Variants in COL26A1 observed in about 807,000 individuals in gnomAD.
COL26A1 encodes the protein collagen alpha-1(XXVI) chain.
In COL26A1, 41 loss-of-function variants were observed where a neutral mutation model predicts 59.3. The observed-to-expected ratio is 0.69, with a 90% CI of 0.54 to 0.90. The LOEUF is 0.90. COL26A1 is among the 40% of genes least tolerant of loss of function. COL26A1 has a pLI of 0.00. For synonymous variants in COL26A1, 266 were observed against 256.0 expected (o/e 1.04, Z -0.37); for missense variants, 612 against 602.3 (o/e 1.02, Z -0.17).
intron 3 of COL26A1, among the ~76,000 whole-genome samples, chr7:101,478,353 A>C (rs746653768): frequency 6.6e-6 from 1 of 152,070 alleles, no homozygotes; most frequent in African/African-American, 2.4e-5. Context: ...GTGGTGGTAA[A>C]TGTGTGTCTG....
rs569228227 is a variant in COL26A1, at chr7:101,498,242, A to G, written c.386-34840A>G. Among the ~76,000 whole-genome samples the G allele has an allele frequency of 7.9e-5, 12 of 152,044 alleles. No individual in the cohort carries two copies. In the East Asian group the frequency reaches 2.1e-3, roughly 27 times the overall value. ...GGTGATGTGAATCTTAGCATGAGTG[A>G]CTCCATTTTGGTTTGGTCTGTTGGA... On this transcript the variant is annotated intron_variant, in intron 3 of 12. Transcript: ENST00000313669.
intron 2 of COL26A1, among the ~76,000 whole-genome samples, chr7:101,422,085 G>GT (rs2130284819): frequency 6.6e-6 from 1 of 152,260 alleles, no homozygotes; most frequent in East Asian, 1.9e-4. Flanking sequence ...GCTGAGGCAG[G>GT]TGGATCACCT....
In COL26A1 at chr7:101,416,831, C is replaced by A. The variant is rs111385812; in HGVS notation, c.159-3146C>A. ...CATGGCTCACTGCAGTCTCAAACTC[C>A]TGTGCTCCAGCGATCCTCCTGCCTC... On this transcript the variant is annotated intron_variant, in intron 1 of 12. Coordinates refer to ENST00000313669, the MANE Select transcript of COL26A1 (RefSeq NM_001278563.3). Among the ~76,000 whole-genome samples the A allele has an allele frequency of 1.2e-3, 167 of 143,554 alleles. 13 individuals are homozygous for A. Among genetic ancestry groups the A allele is most frequent in the African/African-American group, 3.9e-3 (160 of 40,658 alleles). 94.2% of individuals were successfully genotyped at this position (143,554 alleles called of 152,430 possible).
In COL26A1 at chr7:101,363,156, G is replaced by C; in HGVS notation, c.124G>C (p.Ala42Pro). ...GCAGCACGGCTACCCCGAGCCCGGC[G>C]CCGGCTCCCCTGGCAGCGGCTACGC... is the stretch of plus-strand genomic sequence containing the variant. The part of the protein sequence containing the change: ...LQQHGYPEPG[A>P]GSPGSGYASR... Residue 42 changes from alanine (A) to proline (P), a missense_variant, in exon 1 of 13, where the codon GCC becomes CCC. Physicochemically the swap from Ala to Pro is conservative, Grantham distance 27. Transcript: ENST00000313669. 1 of 1,472,438 alleles carries C rather than the reference G, an allele frequency of 6.8e-7. No homozygotes were observed. The highest frequency in any genetic ancestry group is 9.0e-7 in the Non-Finnish European group (1 of 1,115,966). 91.2% of individuals were successfully genotyped at this position (1,472,438 alleles called of 1,614,324 possible).
At chr7:101,381,919 C>T (rs1791460682) in intron 1 of COL26A1, among the ~76,000 whole-genome samples, 1 of 152,270 alleles carries the variant, frequency 6.6e-6, no homozygotes, top group Admixed American at 6.5e-5. Flanking sequence ...TGGAGGGTTG[C>T]ACTGATCTTA....
intron 3 of COL26A1, among the ~76,000 whole-genome samples, chr7:101,531,410 A>C (rs1475925754): frequency 5.9e-5 from 9 of 152,198 alleles, no homozygotes; most frequent in Non-Finnish European, 1.2e-4. Context: ...AGAGTCAGAA[A>C]ACTGTATATA....
chr7:101,557,418 G>T lies in COL26A1; in HGVS notation c.1214G>T (p.Arg405Ile), dbSNP rs1796005648. The T allele has an allele frequency of 3.7e-6, 6 of 1,613,666 alleles. No homozygotes were observed. Among genetic ancestry groups the T allele is most frequent in the Non-Finnish European group, 5.1e-6 (6 of 1,179,754 alleles). Residue 405 changes from arginine to isoleucine, a missense_variant, in exon 13 of 13, where the codon AGA becomes ATA. Coordinates refer to ENST00000313669, the MANE Select transcript of COL26A1 (RefSeq NM_001278563.3). ...EGGSGQDAAL[R>I]ANLKMKRGGA... ...GGTTCTGGCCAGGATGCTGCCCTGA[G>T]AGCCAACCTCAAGATGAAGAGGGGT...
intron 1 of COL26A1, among the ~76,000 whole-genome samples, chr7:101,393,030 T>G (rs1791771458): frequency 6.8e-6 from 1 of 146,342 alleles, no homozygotes. Flanking sequence ...TGAGATGGAG[T>G]CTCGCTCTAT....
intron 3 of COL26A1, among the ~76,000 whole-genome samples, chr7:101,460,609 T>G (rs1793587138): frequency 6.6e-6 from 1 of 151,840 alleles, no homozygotes; most frequent in Non-Finnish European, 1.5e-5. Flanking sequence ...GGTGAAAAAT[T>G]GTCTCTACTA....
rs187173157 is a variant in COL26A1, at chr7:101,526,635, G to T, written c.386-6447G>T. 8.3e-3 allele frequency among the ~76,000 whole-genome samples: 1,268 copies of T among 152,328 alleles called. 10 individuals are homozygous for T. Among genetic ancestry groups the T allele is most frequent in the Middle Eastern group, 0.017 (5 of 294 alleles). ...GGCCTTGGGAATCCAGCCTCATTTG[G>T]GAGGTGGGTCCTGAATTCTGGGAGC... On this transcript the variant is annotated intron_variant, in intron 3 of 12. Transcript: ENST00000313669.
intron 2 of COL26A1, among the ~76,000 whole-genome samples, chr7:101,434,402 C>T (rs774340947): frequency 2.6e-5 from 4 of 151,664 alleles, no homozygotes; most frequent in Admixed American, 6.6e-5. Flanking sequence ...TACAGGCACA[C>T]GCCACCACGC....
rs536325284 is a variant in COL26A1, at chr7:101,535,095, T to A, written c.447+1952T>A. On this transcript the variant is annotated intron_variant, in intron 4 of 12. Transcript: ENST00000313669. ...CTTCCCTTGTCCTCCAGCCCTTCCATGGGCGGGCAGGGTCTCCCAGCAGCC... is the reference window on the plus strand; with the variant it reads ...CTTCCCTTGTCCTCCAGCCCTTCCAAGGGCGGGCAGGGTCTCCCAGCAGCC... Among the ~76,000 whole-genome samples the A allele has an allele frequency of 2.8e-3, 424 of 152,246 alleles. 2 individuals carry two copies. Among genetic ancestry groups the A allele is most frequent in the African/African-American group, 9.5e-3 (396 of 41,566 alleles).
At chr7:101,461,478 A>C (rs1793610904) in intron 3 of COL26A1, among the ~76,000 whole-genome samples, 1 of 151,698 alleles carries the variant, frequency 6.6e-6, no homozygotes, top group Non-Finnish European at 1.5e-5. Context: ...TTGTATTTTT[A>C]GTAGAGATGG....
intron 1 of COL26A1, among the ~76,000 whole-genome samples, chr7:101,387,754 T>TA (rs1791618065): frequency 1.1e-5 from 1 of 95,050 alleles, no homozygotes; most frequent in African/African-American, 4.4e-5. Context: ...ATATATATAT[T>TA]TATATATATA....
chr7:101,444,135 C>T lies in COL26A1; in HGVS notation c.282-3549C>T, dbSNP rs561741842. Among the ~76,000 whole-genome samples, 27 of 152,160 alleles carry T rather than the reference C, an allele frequency of 1.8e-4. No individual in the cohort carries two copies. In the South Asian group the frequency reaches 3.1e-3, roughly 18 times the overall value. ...TCAAGCAATCCTCCTGCCTCGGCCT[C>T]CCAAAGTGCTAGGACTACAGGTGTA... On this transcript the variant is annotated intron_variant, in intron 2 of 12. Coordinates refer to ENST00000313669, the MANE Select transcript of COL26A1 (RefSeq NM_001278563.3).
chr7:101,426,473 G>A (rs1044211349), intron 2 of COL26A1, among the ~76,000 whole-genome samples: 10 of 152,254 alleles, frequency 6.6e-5, no homozygotes, highest in East Asian at 3.9e-4. Context: ...CCTCAAGGTC[G>A]CAGAAGGGCA....
chr7:101,362,810 C>G (rs1436027699), upstream of COL26A1: 3 of 537,262 alleles, frequency 5.6e-6, no homozygotes, highest in Non-Finnish European at 6.5e-6. Context: ...AAGCCCCACG[C>G]CCCCTTTGAC....
chr7:101,471,567 G>GTTGTTTTTTTTTTTTTTTT (rs1485332913), intron 3 of COL26A1, among the ~76,000 whole-genome samples: 1 of 112,418 alleles, frequency 8.9e-6, no homozygotes, highest in African/African-American at 3.5e-5. Flanking sequence ...TGTTGTTGTT[G>GTTGTTTTTTTTTTTTTTTT]TTTGTTTTTT....
Position 101,396,560 on chromosome 7 carries a change from TCAA to T in COL26A1, c.159-23416_159-23414del, listed in dbSNP as rs1791859825. 7.2e-5 allele frequency among the ~76,000 whole-genome samples: 11 copies of T among 151,838 alleles called. No homozygotes were observed. In the South Asian group the frequency reaches 1.9e-3, roughly 26 times the overall value. ...TCACTGCAACCTCTGCCTCCCGGGT[TCAA>T]GCAATTCTCCTGCCTCAGCCTCCCT... On this transcript the variant is annotated intron_variant, in intron 1 of 12. Coordinates refer to ENST00000313669, the MANE Select transcript of COL26A1 (RefSeq NM_001278563.3).
Sources: gnomAD v4.1 joint callset for allele counts (sites outside exome capture counted in the v4.1 genomes callset) on GRCh38, gnomAD v4.1.1 for gene constraint, MANE v1.5 for transcripts, NCBI Gene and HGNC (gene_info 2026-07-23, HGNC 2026-07-21) for gene names.